AP3M1: variants seen among roughly 807,000 people sequenced by gnomAD.
AP3M1 encodes adaptor related protein complex 3 subunit mu 1.
AP3M1 carries 29 observed loss-of-function variants against 42.6 expected under a neutral mutation model. That is an observed-to-expected ratio of 0.68 (90% CI 0.51 to 0.93). The LOEUF is 0.93. Among genes scored for constraint, AP3M1 ranks in the 40% least tolerant of loss-of-function variants. The pLI is 0.00. For missense variants in AP3M1, 416 were observed against 510.2 expected (o/e 0.82, Z 1.78); for synonymous variants, 178 against 175.3 (o/e 1.02, Z -0.12).
chr10:74,145,360 T>G (rs1841296434), intron 1 of AP3M1, among the ~76,000 whole-genome samples: 2 of 152,224 alleles, frequency 1.3e-5, no homozygotes, highest in African/African-American at 4.8e-5. Flanking sequence ...TTTATTGTTG[T>G]TATCCTTAGT....
At chr10:74,124,220 T>C (rs1445175120) in intron 8 of AP3M1, among the ~76,000 whole-genome samples, 160 bp downstream of exon 8, 1 of 152,158 alleles carries the variant, frequency 6.6e-6, no homozygotes. Flanking sequence ...GAAAAATCAT[T>C]TGGTCGGTGC....
chr10:74,135,337 C>A (rs1042788899), intron 3 of AP3M1, among the ~76,000 whole-genome samples: 3 of 152,094 alleles, frequency 2.0e-5, no homozygotes, highest in African/African-American at 7.2e-5. Context: ...CTTATTCCTT[C>A]CTCACTTCCT....
chr10:74,126,004 G>C, intron 7 of AP3M1, 144 bp downstream of exon 7: 1 of 775,360 alleles, frequency 1.3e-6, no homozygotes, highest in Non-Finnish European at 2.1e-6. Flanking sequence ...GCCAGTGGCA[G>C]AAGCACAGCA....
intron 1 of AP3M1, among the ~76,000 whole-genome samples, chr10:74,147,891 C>T (rs570094151): frequency 6.6e-6 from 1 of 151,896 alleles, no homozygotes; most frequent in Non-Finnish European, 1.5e-5. Flanking sequence ...CCCAGCTACT[C>T]GGGAGGCTGA....
intron 7 of AP3M1, among the ~76,000 whole-genome samples, chr10:74,125,056 C>T (rs889633433): frequency 6.6e-6 from 1 of 152,162 alleles, no homozygotes; most frequent in Non-Finnish European, 1.5e-5. Flanking sequence ...TCTTGGCTCA[C>T]CACAAACTCT....
chr10:74,129,298 C>T (rs772321083), intron 5 of AP3M1, 57 bp from the exon 6 acceptor site: 33 of 1,557,794 alleles, frequency 2.1e-5, no homozygotes, highest in Non-Finnish European at 2.9e-5. Context: ...GGGAACTGTA[C>T]TCAGATACCT....
At chr10:74,141,607 G>A (rs1260472322) in intron 1 of AP3M1, among the ~76,000 whole-genome samples, 1 of 152,100 alleles carries the variant, frequency 6.6e-6, no homozygotes, top group East Asian at 1.9e-4. Context: ...TTGTAGAACA[G>A]GCAAAACTAA....
chr10:74,127,262 G>A (rs1840646291), intron 6 of AP3M1, among the ~76,000 whole-genome samples: 1 of 152,036 alleles, frequency 6.6e-6, no homozygotes, highest in South Asian at 2.1e-4. Context: ...ACACAAGGGG[G>A]AGCTGAGTAC....
Position 74,136,652 on chromosome 10 carries a change from G to A in AP3M1, c.425C>T (p.Ser142Phe). 1.3e-6 allele frequency: 2 copies of A among 1,578,912 alleles called. No individual in the cohort carries two copies. The highest frequency in any genetic ancestry group is 1.1e-5 in the South Asian group (1 of 88,120). ...CTTACCTGTAATAGAGTTGACAACA[G>A]AGCGTAGAATTGTTGGTGGTTTAAT... is the stretch of plus-strand genomic sequence containing the variant. Reference protein sequence around the residue: ...ELIKPPTILRSVVNSITGSSN... With the variant: ...ELIKPPTILRFVVNSITGSSN... Residue 142 changes from serine (S) to phenylalanine (F), a missense_variant, in exon 3 of 9, where the codon TCT (serine) becomes TTT (phenylalanine). Transcript: ENST00000355264.
At chr10:74,128,841 A>C (rs1340565768) in intron 6 of AP3M1, 2 of 325,802 alleles carry the variant, frequency 6.1e-6, no homozygotes, top group African/African-American at 4.3e-5. Flanking sequence ...CCGGTACCAC[A>C]ATTTTTGCCC....
chr10:74,149,290 T>G (rs1841447700), intron 1 of AP3M1, among the ~76,000 whole-genome samples: 2 of 104,520 alleles, frequency 1.9e-5, no homozygotes, highest in African/African-American at 4.7e-5. Flanking sequence ...TTTTTTTTTT[T>G]TTTTTTTTTT....
intron 4 of AP3M1, among the ~76,000 whole-genome samples, chr10:74,132,341 A>G (rs1246480505): frequency 6.6e-6 from 1 of 152,046 alleles, no homozygotes; most frequent in Non-Finnish European, 1.5e-5. Flanking sequence ...CCCGGCTGCT[A>G]TTTTTAATAA....
chr10:74,132,186 T>C (rs758454674), intron 4 of AP3M1, among the ~76,000 whole-genome samples: 27 of 151,968 alleles, frequency 1.8e-4, no homozygotes, highest in African/African-American at 6.5e-4. Context: ...TACAGGCGCC[T>C]GCCACCACGC....
rs764543205 is a variant in AP3M1 at position 74,123,892 on chromosome 10, A to G, written c.1175T>C (p.Leu392Ser). The change falls in exon 9 of 9, where the codon TTG becomes TCG. Residue 392 changes from leucine (L) to serine (S), a missense_variant. Leu to Ser is a moderately radical substitution (Grantham distance 145, BLOSUM62 -2). Transcript: ENST00000355264. Reference protein sequence around the residue: ...LAISGLKVNRLDMYGEKYKPF... With the variant: ...LAISGLKVNRSDMYGEKYKPF... ...CTTATATTTCTCCCCATACATGTCC[A>G]AACGGTTTACTTTTAAGCCTGTATC... is the stretch of plus-strand genomic sequence containing the variant. The G allele has an allele frequency of 2.5e-6, 4 of 1,613,910 alleles. No homozygotes were observed.
At chr10:74,124,579 TC>T in intron 7 of AP3M1, 55 bp from the exon 8 acceptor site, 1 of 1,456,416 alleles carries the variant, frequency 6.9e-7, no homozygotes, top group Non-Finnish European at 9.2e-7. Context: ...AGACAAACCC[TC>T]AAAAACAAAG....
At chr10:74,123,932 A>C (rs758105496) in intron 8 of AP3M1, 22 bp from the exon 9 acceptor site, 2 of 1,589,232 alleles carry the variant, frequency 1.3e-6, no homozygotes, top group Non-Finnish European at 1.7e-6. Context: ...AGAATGAAAA[A>C]GAATAAATTA....
In AP3M1 at chr10:74,124,446, C is replaced by A. The variant is rs201430416; in HGVS notation, c.1090G>T (p.Ala364Ser). The A allele has an allele frequency of 4.3e-6, 7 of 1,613,622 alleles. No homozygotes were observed. The highest frequency in any genetic ancestry group is 1.6e-4 in the Middle Eastern group (1 of 6,062). The change falls in exon 8 of 9, where the codon GCC becomes TCC. Residue 364 changes from alanine (A) to serine (S), a missense_variant. Transcript: ENST00000355264. The part of the protein sequence containing the change: ...LKGLVNLQSG[A>S]PKPEENPSLN... ...CTCGGATTCTCTTCTGGTTTGGGGG[C>A]TCCAGACTGTAAATTTACCAGTCCT...
rs552279250 is a variant in AP3M1 at position 74,150,766 on chromosome 10, T to G, written c.-15A>C. 5.6e-6 allele frequency: 1 copy of G among 179,322 alleles called. No homozygotes were observed. The highest frequency in any genetic ancestry group is 5.6e-5 in the Admixed American group (1 of 17,968). The allele number at this position is 179,322 out of a possible 1,614,324, so 11.1% of individuals were successfully genotyped here. ...CCCCTCACACTCACCCCAACACCTG[T>G]GCCAGTCAGTGATTCGGCGCCGGAT... On this transcript the variant is annotated 5_prime_UTR_variant, in exon 1 of 9. Coordinates refer to ENST00000355264, the MANE Select transcript of AP3M1 (RefSeq NM_012095.6).
At chr10:74,127,738 A>G (rs1307372327) in intron 6 of AP3M1, among the ~76,000 whole-genome samples, 1 of 152,160 alleles carries the variant, frequency 6.6e-6, no homozygotes, top group African/African-American at 2.4e-5. Context: ...TTTAAAATGA[A>G]TTATGATCCC....
Sources: gnomAD v4.1 joint callset for allele counts (sites outside exome capture counted in the v4.1 genomes callset) on GRCh38, gnomAD v4.1.1 for gene constraint, MANE v1.5 for transcripts, NCBI Gene and HGNC (gene_info 2026-07-23, HGNC 2026-07-21) for gene names.